The following COL24A1 variants were observed in gnomAD, a reference collection of about 807,000 sequenced individuals.
COL24A1 encodes collagen alpha-1(XXIV) chain.
Under a neutral mutation model 253.9 loss-of-function variants are expected in COL24A1, and 224 were observed. The observed-to-expected ratio is 0.88, with a 90% CI of 0.79 to 0.99. The LOEUF (loss-of-function observed/expected upper bound fraction) is 0.99, where lower values mean the gene tolerates loss of function less well. Ranked by LOEUF, COL24A1 falls within the 50% of genes least tolerant of loss-of-function variation. The pLI is 0.00. For missense variants in COL24A1, 2,131 were observed against 2,068.5 expected, an observed-to-expected ratio of 1.03 and a Z score of -0.59; for synonymous variants, 685 against 673.7, an observed-to-expected ratio of 1.02 and a Z score of -0.26.
At chr1:85,792,402 T>C (rs1670360823) in intron 47 of COL24A1, among the ~76,000 whole-genome samples, 1 of 151,402 alleles carries the variant, frequency 6.6e-6, no homozygotes, top group Admixed American at 6.6e-5. Flanking sequence ...ATGAAAAAGA[T>C]GAGACCAGGT....
chr1:85,809,181 T>C (rs770720387), intron 47 of COL24A1, among the ~76,000 whole-genome samples: 20 of 152,162 alleles, frequency 1.3e-4, no homozygotes, highest in Non-Finnish European at 2.9e-5. Flanking sequence ...ATAGAAACTA[T>C]ACCTATCTTG....
chr1:86,039,176 C>A (rs1050590661), intron 12 of COL24A1, among the ~76,000 whole-genome samples: 1 of 152,088 alleles, frequency 6.6e-6, no homozygotes, highest in Non-Finnish European at 1.5e-5. Flanking sequence ...GAGCCCAGAG[C>A]AAGTTTCTCT....
intron 39 of COL24A1, 143 bp from the exon 40 acceptor site, chr1:85,842,536 A>G (rs563066782): frequency 3.0e-4 from 177 of 587,012 alleles, no homozygotes; most frequent in African/African-American, 2.9e-3. Context: ...AAAGCAAAAA[A>G]TAACCCCCCA....
rs149340358 is a variant in COL24A1 at position 85,947,436 on chromosome 1, C to T, written c.2562+13813G>A. Among the ~76,000 whole-genome samples the T allele has an allele frequency of 2.6e-3, 397 of 152,188 alleles. 1 individual carries two copies. Among genetic ancestry groups the T allele is most frequent in the Non-Finnish European group, 4.3e-3 (289 of 67,982 alleles). On this transcript the variant is annotated intron_variant, in intron 24 of 59. Coordinates refer to ENST00000370571, the MANE Select transcript of COL24A1 (RefSeq NM_152890.7). ...TTGAAACCAACTAAATTGCCTTATT[C>T]GGAACATGCATATTCTTTCAGTTTC...
intron 32 of COL24A1, among the ~76,000 whole-genome samples, chr1:85,878,104 C>T (rs777240653): frequency 1.3e-5 from 2 of 152,160 alleles, no homozygotes; most frequent in Non-Finnish European, 2.9e-5. Context: ...GGATATACCA[C>T]AGTTTGTTTA....
intron 31 of COL24A1, among the ~76,000 whole-genome samples, chr1:85,894,359 T>C (rs1025679056): frequency 6.6e-6 from 1 of 152,212 alleles, no homozygotes; most frequent in Non-Finnish European, 1.5e-5. Context: ...AGAATGATTC[T>C]AGTATCTTTT....
At chr1:85,876,220 G>T (rs999030084) in intron 33 of COL24A1, among the ~76,000 whole-genome samples, 2 of 151,976 alleles carry the variant, frequency 1.3e-5, no homozygotes, top group Non-Finnish European at 2.9e-5. Context: ...TGGCAATAGG[G>T]ATAAAAAGGA....
chr1:85,847,573 T>C, intron 39 of COL24A1, 92 bp downstream of exon 39: 1 of 855,666 alleles, frequency 1.2e-6, no homozygotes, highest in Non-Finnish European at 1.9e-6. Flanking sequence ...GCTTTGTCTG[T>C]AAAGCTAATC....
intron 47 of COL24A1, among the ~76,000 whole-genome samples, chr1:85,790,975 G>A (rs1032885697): frequency 2.6e-5 from 4 of 152,252 alleles, no homozygotes; most frequent in Non-Finnish European, 2.9e-5. Flanking sequence ...TGCAACTGAA[G>A]TAAGTTTCTG....
chr1:85,908,644 G>T lies in COL24A1; in HGVS notation c.2678C>A (p.Pro893Gln). Residue 893 changes from proline (P) to glutamine (Q), a missense_variant, in exon 27 of 60, where the codon CCA becomes CAA. Physicochemically the swap from Pro to Gln is moderately conservative, Grantham distance 76. Coordinates refer to ENST00000370571, the MANE Select transcript of COL24A1 (RefSeq NM_152890.7). ...AGGTCCTGGAACCCCAGGAGGACCT[G>T]GATATCCCTATAATTTAAGGAAAAT... Reference protein sequence around the residue: ...PQGEKGVMGYPGPPGVPGPIG... With the variant: ...PQGEKGVMGYQGPPGVPGPIG... The T allele has an allele frequency of 7.1e-7, 1 of 1,411,650 alleles. No individual in the cohort carries two copies. The highest frequency in any genetic ancestry group is 9.5e-7 in the Non-Finnish European group (1 of 1,057,040). The allele number at this position is 1,411,650 out of a possible 1,614,324, so 87.4% of individuals were successfully genotyped here. A position where few individuals can be genotyped will look rare whatever the true frequency, so the allele number is the denominator to read the frequency against.
intron 55 of COL24A1, among the ~76,000 whole-genome samples, chr1:85,760,425 T>C (rs1198575009): frequency 1.3e-5 from 2 of 152,090 alleles, no homozygotes; most frequent in Non-Finnish European, 2.9e-5. Context: ...AAGTGATTTT[T>C]TAAAATCACA....
At chr1:86,149,327 G>A (rs1652400204) in intron 1 of COL24A1, among the ~76,000 whole-genome samples, 2 of 152,200 alleles carry the variant, frequency 1.3e-5, no homozygotes, top group Admixed American at 6.5e-5. Context: ...ACAAGGTTGA[G>A]GACCATCACG....
At position 85,842,380 on chromosome 1, in the gene COL24A1, A is replaced by C. The variant is rs761796042; in HGVS notation, c.3476T>G (p.Leu1159Trp). ...TCCTGGTTCTCCATCAGGTCCCATC[A>C]ATCCTAAATGTCCCTGAAAAACAAA... ...GTRGAVGHLG[L>W]MGPDGEPGIP... Residue 1159 changes from leucine to tryptophan, a missense_variant, in exon 40 of 60, where the codon TTG becomes TGG. Coordinates refer to ENST00000370571, the MANE Select transcript of COL24A1 (RefSeq NM_152890.7). 6.2e-7 allele frequency: 1 copy of C among 1,600,752 alleles called. No homozygotes were observed. The highest frequency in any genetic ancestry group is 8.5e-7 in the Non-Finnish European group (1 of 1,172,436).
At chr1:86,132,920 G>C (rs1649510813) in intron 2 of COL24A1, among the ~76,000 whole-genome samples, 1 of 151,998 alleles carries the variant, frequency 6.6e-6, no homozygotes, top group African/African-American at 2.4e-5. Context: ...TTGGTAGCTT[G>C]ATGGGGATGG....
chr1:85,781,141 C>A, intron 52 of COL24A1, 79 bp downstream of exon 52: 13 of 1,045,306 alleles, frequency 1.2e-5, no homozygotes, highest in South Asian at 1.7e-5. Flanking sequence ...AATACCCAGG[C>A]TAATTCTTTG....
chr1:85,793,151 T>C (rs994875442), intron 47 of COL24A1, among the ~76,000 whole-genome samples: 1 of 152,208 alleles, frequency 6.6e-6, no homozygotes, highest in African/African-American at 2.4e-5. Context: ...TAAAAGATAA[T>C]TAAGTATATT....
chr1:85,957,197 G>C (rs541370421), intron 24 of COL24A1, among the ~76,000 whole-genome samples: 7 of 152,088 alleles, frequency 4.6e-5, no homozygotes, highest in Admixed American at 1.3e-4. Context: ...TCAGGGGATG[G>C]GGTGCAAGGG....
At chr1:85,894,322 T>G (rs989874667) in intron 31 of COL24A1, among the ~76,000 whole-genome samples, 1 of 152,192 alleles carries the variant, frequency 6.6e-6, no homozygotes, top group African/African-American at 2.4e-5. Context: ...GTTTGCCAGG[T>G]AAGGTTACAA....
At chr1:85,891,546 G>A (rs1683136284) in intron 31 of COL24A1, among the ~76,000 whole-genome samples, 1 of 152,126 alleles carries the variant, frequency 6.6e-6, no homozygotes, top group Non-Finnish European at 1.5e-5. Context: ...GCTATGTTCA[G>A]TTTTTCTGGC....
Sources: gnomAD v4.1 joint callset for allele counts (sites outside exome capture counted in the v4.1 genomes callset) on GRCh38, gnomAD v4.1.1 for gene constraint, MANE v1.5 for transcripts, NCBI Gene and HGNC (gene_info 2026-07-23, HGNC 2026-07-21) for gene names.